ATP8A1: variants seen among roughly 807,000 people sequenced by gnomAD.
The protein encoded by ATP8A1 is phospholipid-transporting ATPase IA.
In ATP8A1, 90 loss-of-function variants were observed where a neutral mutation model predicts 177.7. That is an observed-to-expected ratio of 0.51 (90% CI 0.43 to 0.60). The LOEUF is 0.60. ATP8A1 is among the 20% of genes least tolerant of loss of function. The pLI is 0.00. For missense variants in ATP8A1, 1,072 were observed against 1,392.8 expected, an observed-to-expected ratio of 0.77 and a Z score of 3.67; for synonymous variants, 493 against 485.9, an observed-to-expected ratio of 1.01 and a Z score of -0.19.
At chr4:42,531,815 C>T (rs773633993) in intron 20 of ATP8A1, among the ~76,000 whole-genome samples, 13 of 152,020 alleles carry the variant, frequency 8.6e-5, no homozygotes, top group Non-Finnish European at 1.8e-4. Flanking sequence ...TTACAACAGT[C>T]ATAAAAAACA....
At chr4:42,488,080 A>C (rs577845632) in intron 24 of ATP8A1, among the ~76,000 whole-genome samples, 3 of 152,348 alleles carry the variant, frequency 2.0e-5, no homozygotes, top group Non-Finnish European at 4.4e-5. Flanking sequence ...AAAATTTACT[A>C]ATGACAATCT....
intron 32 of ATP8A1, 133 bp from the exon 33 acceptor site, chr4:42,443,805 C>A: frequency 1.8e-6 from 1 of 553,636 alleles, no homozygotes; most frequent in South Asian, 2.5e-5. Context: ...GAGTTTCTAC[C>A]TAATTGTGTG....
intron 35 of ATP8A1, among the ~76,000 whole-genome samples, chr4:42,415,886 A>C (rs1291027377): frequency 1.3e-5 from 2 of 152,236 alleles, no homozygotes; most frequent in Non-Finnish European, 2.9e-5. Context: ...CAAAAACCGA[A>C]GAAAAAATAT....
chr4:42,425,599 T>C (rs999688112), intron 33 of ATP8A1, among the ~76,000 whole-genome samples: 2 of 152,172 alleles, frequency 1.3e-5, no homozygotes, highest in Admixed American at 6.5e-5. Flanking sequence ...AGGTATTTCC[T>C]TCCTTTCTGT....
chr4:42,603,365 T>C (rs559173440), intron 5 of ATP8A1, among the ~76,000 whole-genome samples: 3 of 152,354 alleles, frequency 2.0e-5, no homozygotes, highest in Admixed American at 6.5e-5. Context: ...ATTCCAGTCA[T>C]TGGCAATATT....
chr4:42,616,851 T>G (rs1221153404), intron 4 of ATP8A1, among the ~76,000 whole-genome samples: 1 of 152,190 alleles, frequency 6.6e-6, no homozygotes, highest in Admixed American at 6.5e-5. Context: ...AGAATCTGAG[T>G]GCCCAGGAAA....
Position 42,493,608 on chromosome 4 carries a change from A to AT in ATP8A1, c.2152-7941dup, listed in dbSNP as rs1402946936. ...ATGTACCTCCTCATGATTTAATGTA[A>AT]TTTTTTTGGTTTGACTGACTCTAGA... is the stretch of plus-strand genomic sequence containing the variant. On this transcript the variant is annotated intron_variant, in intron 24 of 36. Coordinates refer to ENST00000381668, the MANE Select transcript of ATP8A1 (RefSeq NM_006095.2). Among the ~76,000 whole-genome samples, 14 of 152,088 alleles carry AT rather than the reference A, an allele frequency of 9.2e-5. No individual in the cohort carries two copies. In the East Asian group the frequency reaches 1.2e-3, roughly 13 times the overall value.
rs374225704 is a variant in ATP8A1, at chr4:42,462,552, T to C, written c.2619+2138A>G. 7.9e-5 allele frequency among the ~76,000 whole-genome samples: 12 copies of C among 152,330 alleles called. No homozygotes were observed. The East Asian group carries it at 1.2e-3, about 15-fold the overall frequency. On this transcript the variant is annotated intron_variant, in intron 27 of 36. Transcript: ENST00000381668. ...CTCTGCCTAGATTTCTGAAGATGTA[T>C]GGAAATGCCTGGATGCCCAGGCATA...
At chr4:42,614,124 A>C (rs1736665962) in intron 5 of ATP8A1, among the ~76,000 whole-genome samples, 1 of 152,210 alleles carries the variant, frequency 6.6e-6, no homozygotes, top group Non-Finnish European at 1.5e-5. Context: ...ATGAACCAAG[A>C]TGGATAGTCA....
At chr4:42,542,373 G>C (rs1306555376) in intron 20 of ATP8A1, among the ~76,000 whole-genome samples, 4 of 152,062 alleles carry the variant, frequency 2.6e-5, no homozygotes, top group South Asian at 4.1e-4. Flanking sequence ...ATGTGATTCG[G>C]GTTTTGTAAA....
At chr4:42,656,682 G>T in intron 1 of ATP8A1, 143 bp downstream of exon 1, 1 of 947,158 alleles carries the variant, frequency 1.1e-6, no homozygotes, top group Non-Finnish European at 1.5e-6. Context: ...GCGGGGGGAA[G>T]GGTCCCCTAG....
intron 24 of ATP8A1, among the ~76,000 whole-genome samples, chr4:42,498,908 T>C (rs998298950): frequency 7.2e-5 from 11 of 152,226 alleles, no homozygotes; most frequent in Non-Finnish European, 1.6e-4. Flanking sequence ...CCGAGCTACC[T>C]GAGCTTGGTC....
In ATP8A1 at chr4:42,443,512, A is replaced by G. The variant is rs940090860; in HGVS notation, c.3123+53T>C. 3.8e-6 allele frequency: 3 copies of G among 789,410 alleles called. No homozygotes were observed. In the African/African-American group the frequency reaches 5.1e-5, roughly 14 times the overall value. The allele number at this position is 789,410 out of a possible 1,614,324, so 48.9% of individuals were successfully genotyped here. A position where few individuals can be genotyped will look rare whatever the true frequency, so the allele number is the denominator to read the frequency against. ...ATGCTAAACGATTAAGGTTTGCTAA[A>G]AAATACCAGTTTTTAAGGTTTTGTT... is the stretch of plus-strand genomic sequence containing the variant. On this transcript the variant is annotated intron_variant, in intron 33 of 36. Transcript: ENST00000381668.
At chr4:42,576,475 C>CAAAAAAAAAA (rs1159794343) in intron 12 of ATP8A1, among the ~76,000 whole-genome samples, 1,143 of 32,476 alleles carry the variant, frequency 0.035, 208 homozygotes, top group Non-Finnish European at 0.04. Context: ...GACGCCGTCT[C>CAAAAAAAAAA]AAAAAAAAAA....
At chr4:42,584,440 T>G (rs974964698) in intron 9 of ATP8A1, among the ~76,000 whole-genome samples, 2 of 152,360 alleles carry the variant, frequency 1.3e-5, no homozygotes, top group East Asian at 1.9e-4. Flanking sequence ...AGGCACCTGT[T>G]CTAATCAATT....
intron 22 of ATP8A1, among the ~76,000 whole-genome samples, chr4:42,521,585 T>C (rs1306570259): frequency 1.3e-5 from 2 of 152,234 alleles, no homozygotes; most frequent in Non-Finnish European, 2.9e-5. Flanking sequence ...TGAGGACATT[T>C]ACAGCTGTGA....
intron 1 of ATP8A1, among the ~76,000 whole-genome samples, chr4:42,649,599 G>A (rs1015581354): frequency 6.6e-6 from 1 of 152,114 alleles, no homozygotes; most frequent in Non-Finnish European, 1.5e-5. Context: ...AAGACTCATA[G>A]TTAAGCTCTT....
At chr4:42,608,097 G>A (rs1735986804) in intron 5 of ATP8A1, among the ~76,000 whole-genome samples, 1 of 152,188 alleles carries the variant, frequency 6.6e-6, no homozygotes, top group South Asian at 2.1e-4. Flanking sequence ...AGGATACAAG[G>A]TAACAGCTTT....
intron 9 of ATP8A1, among the ~76,000 whole-genome samples, 153 bp downstream of exon 9, chr4:42,586,193 CAGA>C (rs1401982631): frequency 1.3e-5 from 2 of 152,158 alleles, no homozygotes; most frequent in Non-Finnish European, 2.9e-5. Context: ...AACATCTTCA[CAGA>C]AGGACTCAGG....
Sources: gnomAD v4.1 joint callset for allele counts (sites outside exome capture counted in the v4.1 genomes callset) on GRCh38, gnomAD v4.1.1 for gene constraint, MANE v1.5 for transcripts, NCBI Gene and HGNC (gene_info 2026-07-23, HGNC 2026-07-21) for gene names.